CHRNA7: variants seen among roughly 807,000 people sequenced by gnomAD.
The protein encoded by CHRNA7 is cholinergic receptor nicotinic alpha 7 subunit.
In CHRNA7, 17 loss-of-function variants were observed where a neutral mutation model predicts 48.0. The observed-to-expected ratio is 0.35, with a 90% confidence interval of 0.24 to 0.53. The LOEUF (loss-of-function observed/expected upper bound fraction) is 0.53, where lower values mean the gene tolerates loss of function less well. Ranked by LOEUF, CHRNA7 falls within the 20% of genes least tolerant of loss-of-function variation. The probability of loss-of-function intolerance (pLI) is 0.92; values close to 1 mark genes in which losing one functional copy is unlikely to be tolerated. For missense variants in CHRNA7, 155 were observed against 577.7 expected (o/e 0.27, Z 7.50); for synonymous variants, 75 against 242.3 (o/e 0.31, Z 6.41).
chr15:32,102,049 C>T (rs1263745734), intron 3 of CHRNA7: 1 of 152,158 alleles, frequency 6.6e-6, no homozygotes, highest in Non-Finnish European at 1.5e-5. Flanking sequence ...TCTCTTTGCA[C>T]ATGCATTTCT....
intron 3 of CHRNA7, among the ~76,000 whole-genome samples, chr15:32,106,074 C>A (rs2050664192): frequency 6.6e-6 from 1 of 152,202 alleles, no homozygotes; most frequent in African/African-American, 2.4e-5. Context: ...AAGCAACCTT[C>A]CATTGATTGC....
chr15:32,074,893 C>T (rs1366707633), intron 2 of CHRNA7, among the ~76,000 whole-genome samples: 3 of 152,070 alleles, frequency 2.0e-5, no homozygotes, highest in Non-Finnish European at 2.9e-5. Context: ...AGGTGATCCA[C>T]CCACCTCGGC....
chr15:32,139,879 A>C (rs1198626627), intron 4 of CHRNA7, among the ~76,000 whole-genome samples: 1 of 152,134 alleles, frequency 6.6e-6, no homozygotes, highest in Non-Finnish European at 1.5e-5. Context: ...TTTACAGGCA[A>C]GTTCCACCCA....
chr15:32,040,035 A>T (rs538350883), intron 2 of CHRNA7, among the ~76,000 whole-genome samples: 7 of 152,216 alleles, frequency 4.6e-5, no homozygotes, highest in Non-Finnish European at 1.0e-4. Context: ...CTTGCTTTGA[A>T]GTACGCTCTA....
chr15:32,112,575 G>A (rs998928766), intron 4 of CHRNA7, among the ~76,000 whole-genome samples: 24 of 152,198 alleles, frequency 1.6e-4, no homozygotes, highest in African/African-American at 5.6e-4. Context: ...AAACTGCATA[G>A]TCAAATAAGG....
intron 4 of CHRNA7, among the ~76,000 whole-genome samples, chr15:32,133,982 A>G (rs1354254435): frequency 6.6e-6 from 1 of 152,176 alleles, no homozygotes; most frequent in Non-Finnish European, 1.5e-5. Flanking sequence ...GGTTTGAGAC[A>G]TGGGTTTTCT....
At chr15:32,150,855 A>C (rs751850882) in intron 4 of CHRNA7, among the ~76,000 whole-genome samples, 18 of 152,238 alleles carry the variant, frequency 1.2e-4, no homozygotes, top group South Asian at 4.1e-4. Flanking sequence ...GTGACTCATT[A>C]ACAGTCAGAT....
In CHRNA7 at chr15:32,103,676, A is replaced by T. The variant is rs184484292; in HGVS notation, c.240+2329A>T. 6.6e-3 allele frequency among the ~76,000 whole-genome samples: 1,009 copies of T among 152,040 alleles called. 3 individuals are homozygous for T. Among genetic ancestry groups the T allele is most frequent in the Non-Finnish European group, 0.01 (700 of 67,964 alleles). ...GCCCAGGCCTTCTTCCCATGGACAG[A>T]CTCATCTCCTGGCCCCTGCTGAGAG... On this transcript the variant is annotated intron_variant, in intron 3 of 9. Transcript: ENST00000306901.
chr15:32,072,774 GGTGGTACCAT>G (rs1052477364), intron 2 of CHRNA7, among the ~76,000 whole-genome samples: 1 of 152,202 alleles, frequency 6.6e-6, no homozygotes, highest in African/African-American at 2.4e-5. Context: ...CGTAAGCTTT[GGTGGTACCAT>G]GTGGTACTAA....
chr15:32,045,479 T>C (rs940116767), intron 2 of CHRNA7, among the ~76,000 whole-genome samples: 2 of 152,152 alleles, frequency 1.3e-5, no homozygotes, highest in South Asian at 2.1e-4. Flanking sequence ...TTCTGGTTCT[T>C]GCATATACAT....
chr15:32,135,496 G>A (rs534905682), intron 4 of CHRNA7, among the ~76,000 whole-genome samples: 2 of 152,276 alleles, frequency 1.3e-5, no homozygotes, highest in Non-Finnish European at 2.9e-5. Flanking sequence ...ACTACTGGGC[G>A]ACTGAGAACT....
At chr15:32,090,088 G>A (rs968671052) in intron 2 of CHRNA7, among the ~76,000 whole-genome samples, 1 of 152,196 alleles carries the variant, frequency 6.6e-6, no homozygotes, top group African/African-American at 2.4e-5. Context: ...TAGCATTGTA[G>A]TAGGCCTGTG....
At chr15:32,094,232 G>A (rs982538351) in intron 2 of CHRNA7, among the ~76,000 whole-genome samples, 1 of 152,312 alleles carries the variant, frequency 6.6e-6, no homozygotes, top group African/African-American at 2.4e-5. Flanking sequence ...CTTGAAGGAA[G>A]TCAGGTTGCA....
chr15:32,110,115 A>C (rs1260365672), intron 3 of CHRNA7, among the ~76,000 whole-genome samples: 3 of 152,220 alleles, frequency 2.0e-5, no homozygotes, highest in African/African-American at 7.2e-5. Flanking sequence ...TGTGATAATT[A>C]GTGACCGACA....
intron 2 of CHRNA7, among the ~76,000 whole-genome samples, chr15:32,070,208 C>CGTTTT (rs1024161379): frequency 1.3e-5 from 2 of 152,080 alleles, no homozygotes; most frequent in Non-Finnish European, 2.9e-5. Flanking sequence ...TAATAGGCTG[C>CGTTTT]GTTTTGTTTT....
At chr15:32,136,125 A>G (rs756751316) in intron 4 of CHRNA7, among the ~76,000 whole-genome samples, 2 of 152,164 alleles carry the variant, frequency 1.3e-5, no homozygotes, top group African/African-American at 4.8e-5. Context: ...GAGCGAAGCA[A>G]TTGGCAAAGA....
chr15:32,105,302 G>T (rs1268156983), intron 3 of CHRNA7, among the ~76,000 whole-genome samples: 2 of 152,148 alleles, frequency 1.3e-5, no homozygotes, highest in Non-Finnish European at 2.9e-5. Flanking sequence ...TTATGATCAG[G>T]CTGTGTAATT....
intron 4 of CHRNA7, among the ~76,000 whole-genome samples, chr15:32,114,091 C>A (rs369910022): frequency 2.8e-5 from 3 of 106,512 alleles, no homozygotes; most frequent in East Asian, 4.3e-4. Flanking sequence ...TACATACATA[C>A]ACACACACAT....
At chr15:32,065,162 G>T (rs2049944022) in intron 2 of CHRNA7, among the ~76,000 whole-genome samples, 1 of 152,170 alleles carries the variant, frequency 6.6e-6, no homozygotes, top group African/African-American at 2.4e-5. Flanking sequence ...ATCTTGGTAA[G>T]AACAGTGACT....
Sources: allele counts gnomAD v4.1 joint callset (sites outside exome capture counted in the v4.1 genomes callset), GRCh38; gene constraint gnomAD v4.1.1; transcripts MANE v1.5; gene names NCBI Gene and HGNC (gene_info 2026-07-23, HGNC 2026-07-21).